Variants in PKIB observed in about 807,000 individuals in gnomAD.
PKIB encodes the protein cAMP-dependent protein kinase inhibitor beta.
A neutral mutation model predicts 4.5 loss-of-function variants in PKIB; 2 were observed. The ratio of observed to expected loss-of-function variants is 0.44; its 90% CI spans 0.18 to 1.39. The LOEUF is 1.39. Ranked by LOEUF, PKIB falls within the 40% of genes most tolerant of loss-of-function variation. The pLI is 0.27. For missense variants in PKIB, 94 were observed against 92.6 expected (o/e 1.02, Z -0.06); for synonymous variants, 38 against 36.0 (o/e 1.06, Z -0.20).
intron 3 of PKIB, among the ~76,000 whole-genome samples, chr6:122,601,219 G>T (rs1774354998): frequency 6.6e-6 from 1 of 152,106 alleles, no homozygotes; most frequent in Non-Finnish European, 1.5e-5. Flanking sequence ...CACCAAAGGA[G>T]ATGGGTTGAA....
intron 2 of PKIB, among the ~76,000 whole-genome samples, chr6:122,510,200 C>T (rs1776540424): frequency 6.6e-6 from 1 of 151,886 alleles, no homozygotes; most frequent in East Asian, 1.9e-4. Context: ...TTCAGGTGTT[C>T]TAAGCAATCC....
chr6:122,609,953 A>T (rs1168773171), upstream of PKIB, among the ~76,000 whole-genome samples: 1 of 152,170 alleles, frequency 6.6e-6, no homozygotes, highest in African/African-American at 2.4e-5. Flanking sequence ...CCAAACAGCC[A>T]ACATTAGATC....
At chr6:122,677,036 T>A (rs1234858601) in intron 3 of PKIB, among the ~76,000 whole-genome samples, 1 of 152,226 alleles carries the variant, frequency 6.6e-6, no homozygotes, top group South Asian at 2.1e-4. Context: ...TGTAAGCATA[T>A]ATATGCTATG....
intron 2 of PKIB, among the ~76,000 whole-genome samples, chr6:122,496,870 C>T: frequency 6.6e-6 from 1 of 152,066 alleles, no homozygotes; most frequent in East Asian, 1.9e-4. Context: ...GCAAGAAATT[C>T]AGAGAATACT....
At chr6:122,620,597 A>G (rs1775186907) in intron 1 of PKIB, among the ~76,000 whole-genome samples, 2 of 152,232 alleles carry the variant, frequency 1.3e-5, no homozygotes, top group African/African-American at 2.4e-5. Flanking sequence ...CACACAAGGC[A>G]TGAAAGTGGT....
At chr6:122,552,226 G>A (rs1429415347) in intron 2 of PKIB, among the ~76,000 whole-genome samples, 3 of 152,140 alleles carry the variant, frequency 2.0e-5, no homozygotes, top group Non-Finnish European at 4.4e-5. Context: ...GGCTCCTACA[G>A]TATGAGTAGC....
chr6:122,507,229 G>A (rs1480419869), intron 2 of PKIB, among the ~76,000 whole-genome samples: 1 of 152,100 alleles, frequency 6.6e-6, no homozygotes, highest in Admixed American at 6.5e-5. Context: ...TATGTAAAGA[G>A]GGGGAACTGA....
At chr6:122,561,139 A>C (rs1258949120) in intron 2 of PKIB, among the ~76,000 whole-genome samples, 1 of 151,478 alleles carries the variant, frequency 6.6e-6, no homozygotes, top group Non-Finnish European at 1.5e-5. Flanking sequence ...TTAGAATGTC[A>C]GTTTGTGCAC....
intron 2 of PKIB, among the ~76,000 whole-genome samples, chr6:122,562,759 T>G (rs1773071875): frequency 6.6e-6 from 1 of 152,210 alleles, no homozygotes; most frequent in Admixed American, 6.5e-5. Flanking sequence ...GCTGAGACTT[T>G]CTAGAGCATT....
intron 2 of PKIB, among the ~76,000 whole-genome samples, chr6:122,508,159 G>A (rs982420207): frequency 6.6e-6 from 1 of 152,122 alleles, no homozygotes; most frequent in Non-Finnish European, 1.5e-5. Flanking sequence ...AATTTTTGTG[G>A]AATTTCCATG....
chr6:122,700,457 T>C (rs1778766839), intron 3 of PKIB, among the ~76,000 whole-genome samples: 2 of 152,148 alleles, frequency 1.3e-5, no homozygotes, highest in Non-Finnish European at 2.9e-5. Context: ...AAGTTGAGTT[T>C]GAATTAATGG....
chr6:122,652,334 G>GTGT lies in PKIB; in HGVS notation c.-76+18967_-76+18968insTGT, dbSNP rs1264393970. ...TGTGTGTGTGTGTGTGTGTGTGTGT[G>GTGT]GAGAGAGAGAGATTTATTGAAAAGA... On this transcript the variant is annotated intron_variant, in intron 2 of 4. Transcript: ENST00000368452. 8.7e-5 allele frequency among the ~76,000 whole-genome samples: 5 copies of GTGT among 57,668 alleles called. No individual in the cohort carries two copies. The South Asian group carries it at 5.9e-3, about 68-fold the overall frequency. 37.8% of individuals were successfully genotyped at this position (57,668 alleles called of 152,430 possible). A position where few individuals can be genotyped will look rare whatever the true frequency, so the allele number is the denominator to read the frequency against.
chr6:122,676,333 G>T (rs1449547033), intron 3 of PKIB, among the ~76,000 whole-genome samples: 1 of 152,084 alleles, frequency 6.6e-6, no homozygotes, highest in Non-Finnish European at 1.5e-5. Flanking sequence ...TGGAGTGGCT[G>T]TAAATACAGA....
At chr6:122,583,740 A>G (rs1773772300) in intron 2 of PKIB, among the ~76,000 whole-genome samples, 1 of 152,132 alleles carries the variant, frequency 6.6e-6, no homozygotes, top group African/African-American at 2.4e-5. Flanking sequence ...ATGATTACCC[A>G]TTCTAGATTA....
At chr6:122,704,207 G>A (rs910616175) in intron 3 of PKIB, among the ~76,000 whole-genome samples, 2 of 152,012 alleles carry the variant, frequency 1.3e-5, no homozygotes, top group African/African-American at 4.8e-5. Context: ...ATTCCATTCA[G>A]GACTTCAATG....
At chr6:122,719,772 G>A (rs1779658976) in intron 4 of PKIB, among the ~76,000 whole-genome samples, 2 of 149,012 alleles carry the variant, frequency 1.3e-5, no homozygotes, top group Admixed American at 1.3e-4. Flanking sequence ...CACACACAAA[G>A]TATGTGAGGT....
chr6:122,519,749 A>G (rs1017759854), intron 2 of PKIB, among the ~76,000 whole-genome samples: 1 of 152,224 alleles, frequency 6.6e-6, no homozygotes, highest in African/African-American at 2.4e-5. Flanking sequence ...TCTTTCTATT[A>G]AAGACTCACA....
At chr6:122,531,954 C>G (rs746360374) in intron 2 of PKIB, among the ~76,000 whole-genome samples, 1 of 152,180 alleles carries the variant, frequency 6.6e-6, no homozygotes, top group Non-Finnish European at 1.5e-5. Flanking sequence ...TGCAATGTTA[C>G]TTGACTTTTG....
At chr6:122,708,625 A>G (rs1034223337) in intron 3 of PKIB, among the ~76,000 whole-genome samples, 1 of 152,070 alleles carries the variant, frequency 6.6e-6, no homozygotes, top group Non-Finnish European at 1.5e-5. Flanking sequence ...CTTTCTGGAA[A>G]TGTCTCAGAG....
Sources: allele counts gnomAD v4.1 joint callset (sites outside exome capture counted in the v4.1 genomes callset), GRCh38; gene constraint gnomAD v4.1.1; transcripts MANE v1.5; gene names NCBI Gene and HGNC (gene_info 2026-07-23, HGNC 2026-07-21).